ITGB5: variants seen among roughly 807,000 people sequenced by gnomAD.
The protein encoded by ITGB5 is integrin beta-5.
ITGB5 carries 38 observed loss-of-function variants against 84.8 expected under a neutral mutation model. That is an observed-to-expected ratio of 0.45 (90% confidence interval 0.35 to 0.59). ITGB5 has a LOEUF of 0.59. Among genes scored for constraint, ITGB5 ranks in the 20% least tolerant of loss-of-function variants. The pLI, the probability that ITGB5 is intolerant of heterozygous loss-of-function variation, is 0.01. For missense variants in ITGB5, 905 were observed against 1,034.5 expected, an observed-to-expected ratio of 0.87 and a Z score of 1.72; for synonymous variants, 393 against 414.4, an observed-to-expected ratio of 0.95 and a Z score of 0.63.
rs2063720482 is a variant in ITGB5 at position 124,763,399 on chromosome 3, C to G, written c.*224G>C. On this transcript the variant is annotated 3_prime_UTR_variant, in exon 15 of 15. Transcript: ENST00000296181. ...GCGCCAAGGTCCCCTTGCTTTATCC[C>G]AAGCTCGGAGGGACGCAGCCTGGCA... is the stretch of plus-strand genomic sequence containing the variant. The G allele has an allele frequency of 1.1e-5, 4 of 378,234 alleles. No individual in the cohort carries two copies. In the South Asian group the frequency reaches 1.7e-4, roughly 16 times the overall value. 23.4% of individuals were successfully genotyped at this position (378,234 alleles called of 1,614,324 possible).
At chr3:124,800,906 G>A (rs2064305295) in intron 9 of ITGB5, among the ~76,000 whole-genome samples, 1 of 152,222 alleles carries the variant, frequency 6.6e-6, no homozygotes, top group Non-Finnish European at 1.5e-5. Context: ...CCAGAGGAAG[G>A]TCACAGACAC....
intron 1 of ITGB5, among the ~76,000 whole-genome samples, chr3:124,899,356 G>A (rs1935175203): frequency 1.3e-5 from 2 of 152,098 alleles, no homozygotes; most frequent in South Asian, 4.2e-4. Context: ...GCAGCAAAGG[G>A]GCTGGCTGTC....
intron 10 of ITGB5, among the ~76,000 whole-genome samples, chr3:124,780,950 G>A (rs1019530881): frequency 5.9e-5 from 9 of 152,150 alleles, no homozygotes; most frequent in African/African-American, 2.2e-4. Flanking sequence ...GTGAGACTCT[G>A]GGCCCAGTTT....
intron 8 of ITGB5, among the ~76,000 whole-genome samples, chr3:124,811,000 T>G (rs747400067): frequency 4.0e-5 from 6 of 151,430 alleles, no homozygotes; most frequent in Non-Finnish European, 5.9e-5. Flanking sequence ...TCCAGCAAAT[T>G]AACAGCTTGT....
At chr3:124,891,489 G>A (rs943053864), upstream of ITGB5, among the ~76,000 whole-genome samples, 4 of 150,874 alleles carry the variant, frequency 2.7e-5, no homozygotes, top group African/African-American at 9.8e-5. Context: ...AGACCGGCCT[G>A]AGCAACATAG....
At chr3:124,794,029 C>T (rs961893303) in intron 10 of ITGB5, among the ~76,000 whole-genome samples, 2 of 152,174 alleles carry the variant, frequency 1.3e-5, no homozygotes, top group Admixed American at 1.3e-4. Context: ...AGTATCTGCA[C>T]GTTCCTGGTT....
intron 3 of ITGB5, among the ~76,000 whole-genome samples, chr3:124,851,266 C>T (rs2065149225): frequency 1.3e-5 from 2 of 152,110 alleles, no homozygotes; most frequent in South Asian, 4.1e-4. Context: ...TCGGTTTCTG[C>T]ATCAGTCAAG....
intron 5 of ITGB5, among the ~76,000 whole-genome samples, chr3:124,825,268 CA>C (rs1016624801): frequency 6.6e-6 from 1 of 151,758 alleles, no homozygotes; most frequent in Admixed American, 6.6e-5. Flanking sequence ...AATGTTTCAC[CA>C]ACTCTGGAAA....
intron 2 of ITGB5, among the ~76,000 whole-genome samples, chr3:124,864,096 C>CTTTTTTTTT (rs558311822): frequency 2.2e-5 from 1 of 45,466 alleles, no homozygotes; most frequent in Non-Finnish European, 4.3e-5. Flanking sequence ...ACCTATATTT[C>CTTTTTTTTT]TTTTTTTTTT....
At position 124,868,688 on chromosome 3, in the gene ITGB5, C is replaced by T. The variant is rs1579319774; in HGVS notation, c.156+4758G>A. On this transcript the variant is annotated intron_variant, in intron 2 of 14. Transcript: ENST00000296181. ...TTGTGGAATAGGTCTATAGTCCCAG[C>T]TACTCGGGAGGCTAAGGTGGGAGGA... 4.7e-5 allele frequency among the ~76,000 whole-genome samples: 7 copies of T among 149,704 alleles called. 2 individuals carry two copies.
chr3:124,764,577 G>C lies in ITGB5; in HGVS notation c.2138-20C>G. 6.3e-7 allele frequency: 1 copy of C among 1,590,754 alleles called. No individual in the cohort carries two copies. The highest frequency in any genetic ancestry group is 8.6e-7 in the Non-Finnish European group (1 of 1,161,706). The stretch of plus-strand genomic sequence containing the variant: ...CACACTCTGGGGGGACCAGAAGCAT[G>C]GTAAGCAAAGCCACTAGCATCACCA... On this transcript the variant is annotated intron_variant, in intron 13 of 14. Coordinates refer to ENST00000296181, the MANE Select transcript of ITGB5 (RefSeq NM_002213.5).
At chr3:124,800,629 TTCTG>T (rs369756586) in intron 9 of ITGB5, among the ~76,000 whole-genome samples, 1 of 152,200 alleles carries the variant, frequency 6.6e-6, no homozygotes, top group South Asian at 2.1e-4. Context: ...CCAGAGAATG[TTCTG>T]TCTATTTCAG....
chr3:124,856,180 C>T (rs1005902522), intron 3 of ITGB5, among the ~76,000 whole-genome samples: 1 of 152,126 alleles, frequency 6.6e-6, no homozygotes, highest in African/African-American at 2.4e-5. Flanking sequence ...GCCACCACAC[C>T]CGGCCTTCTC....
intron 1 of ITGB5, among the ~76,000 whole-genome samples, chr3:124,876,440 T>C (rs1250528729): frequency 1.3e-5 from 2 of 152,032 alleles, no homozygotes; most frequent in Non-Finnish European, 2.9e-5. Context: ...CCTTTGTCAC[T>C]AGCAGTAAAA....
At chr3:124,766,416 G>T in intron 12 of ITGB5, 71 bp from the exon 13 acceptor site, 1 of 1,567,066 alleles carries the variant, frequency 6.4e-7, no homozygotes, top group Non-Finnish European at 8.7e-7. Flanking sequence ...GTCGGGGCAG[G>T]GAGCCGAGTG....
At chr3:124,832,994 T>C (rs1016409632) in intron 5 of ITGB5, 2 of 150,328 alleles carry the variant, frequency 1.3e-5, no homozygotes, top group Admixed American at 1.3e-4. Flanking sequence ...CCGAATCATG[T>C]TGACATTCAG....
At chr3:124,806,700 G>A (rs1467640386) in intron 9 of ITGB5, among the ~76,000 whole-genome samples, 1 of 151,808 alleles carries the variant, frequency 6.6e-6, no homozygotes, top group East Asian at 1.9e-4. Flanking sequence ...GCCTTCCAAA[G>A]TGCTGGGATT....
In ITGB5 at chr3:124,886,919, G is replaced by T; in HGVS notation, c.70+12C>A. On this transcript the variant is annotated intron_variant, in intron 1 of 14. Coordinates refer to ENST00000296181, the MANE Select transcript of ITGB5 (RefSeq NM_002213.5). Reference sequence around the variant, plus strand: ...CAAAGTTTCTCTGGGCGCCGTGGGCGGCGCGGCTTACCTGCGAGCCGGGGC... The same window carrying T: ...CAAAGTTTCTCTGGGCGCCGTGGGCTGCGCGGCTTACCTGCGAGCCGGGGC... 2 of 1,211,708 alleles carry T rather than the reference G, an allele frequency of 1.7e-6. No homozygotes were observed. 75.1% of individuals were successfully genotyped at this position (1,211,708 alleles called of 1,614,324 possible). A position where few individuals can be genotyped will look rare whatever the true frequency, so the allele number is the denominator to read the frequency against.
At chr3:124,782,182 C>T (rs1303278614) in intron 10 of ITGB5, among the ~76,000 whole-genome samples, 2 of 152,130 alleles carry the variant, frequency 1.3e-5, no homozygotes, top group Admixed American at 6.5e-5. Context: ...CCAATAATAA[C>T]CCTATGTTGT....
Sources: gnomAD v4.1 joint callset for allele counts (sites outside exome capture counted in the v4.1 genomes callset) on GRCh38, gnomAD v4.1.1 for gene constraint, MANE v1.5 for transcripts, NCBI Gene and HGNC (gene_info 2026-07-23, HGNC 2026-07-21) for gene names.